CDON: variants seen among roughly 807,000 people sequenced by gnomAD.
CDON encodes the protein cell adhesion molecule-related/down-regulated by oncogenes.
A neutral mutation model predicts 120.9 loss-of-function variants in CDON; 73 were observed. The ratio of observed to expected loss-of-function variants is 0.60; its 90% CI spans 0.50 to 0.73. The LOEUF (loss-of-function observed/expected upper bound fraction) is 0.73. Among genes scored for constraint, CDON ranks in the 30% least tolerant of loss-of-function variants. CDON has a pLI of 0.00. For missense variants in CDON, 1,470 were observed against 1,587.3 expected (o/e 0.93, Z 1.26); for synonymous variants, 566 against 573.5 (o/e 0.99, Z 0.19).
chr11:126,026,654 G>T (rs1454740463), intron 1 of CDON, among the ~76,000 whole-genome samples: 1 of 152,146 alleles, frequency 6.6e-6, no homozygotes, highest in Non-Finnish European at 1.5e-5. Context: ...TGCTTTTCCA[G>T]TTTTTTCTTG....
rs1947264899 is a variant in CDON at position 126,010,481 on chromosome 11, T to A, written c.1412A>T (p.Glu471Val). The change falls in exon 8 of 20, where the codon GAG (glutamate) becomes GTG (valine). Residue 471 changes from glutamate to valine, a missense_variant. Coordinates refer to ENST00000531738, the MANE Select transcript of CDON (RefSeq NM_001378964.1). Reference sequence around the variant, plus strand: ...TTGGGACAGGACGAAGTACACAGGCTCCAGGTTCAAGCCCTCAGGTCTTGA... The same window carrying A: ...TTGGGACAGGACGAAGTACACAGGCACCAGGTTCAAGCCCTCAGGTCTTGA... ...QLSRPEGLNLEPVYFVLSQAG... is the reference protein window; with the variant it reads ...QLSRPEGLNLVPVYFVLSQAG... 1 of 1,614,130 alleles carries A rather than the reference T, an allele frequency of 6.2e-7. No homozygotes were observed. The highest frequency in any genetic ancestry group is 1.3e-5 in the African/African-American group (1 of 75,026).
At chr11:126,033,647 G>A (rs1948011073) in intron 1 of CDON, among the ~76,000 whole-genome samples, 1 of 152,094 alleles carries the variant, frequency 6.6e-6, no homozygotes, top group African/African-American at 2.4e-5. Flanking sequence ...TACAGTGTAG[G>A]GTAATCAGAC....
At chr11:126,057,553 C>T (rs567326132) in intron 1 of CDON, among the ~76,000 whole-genome samples, 2 of 152,294 alleles carry the variant, frequency 1.3e-5, no homozygotes, top group South Asian at 4.1e-4. Flanking sequence ...GGAGGGCTGC[C>T]TGGGATGGGC....
chr11:126,018,197 G>A, intron 5 of CDON, 133 bp downstream of exon 5: 1 of 934,388 alleles, frequency 1.1e-6, no homozygotes, highest in Middle Eastern at 3.2e-4. Flanking sequence ...ACCACACCTA[G>A]CCTGTATTTA....
chr11:126,031,422 T>C lies in CDON; in HGVS notation c.-61-7885A>G, dbSNP rs1214025335. ...TCCAATCAGAAACTAAAGAAAACAC[T>C]CTAAAAAGTGATATTATAGCTTCAG... On this transcript the variant is annotated intron_variant, in intron 1 of 19. Transcript: ENST00000531738. Among the ~76,000 whole-genome samples the C allele has an allele frequency of 3.9e-5, 6 of 152,346 alleles. No homozygotes were observed. The East Asian group carries it at 1.2e-3, about 29-fold the overall frequency.
intron 1 of CDON, among the ~76,000 whole-genome samples, chr11:126,051,656 T>TC (rs1948561612): frequency 7.0e-6 from 1 of 142,436 alleles, no homozygotes; most frequent in South Asian, 2.1e-4. Context: ...TTTTTTCTTT[T>TC]TTTTTTTTTT....
intron 1 of CDON, among the ~76,000 whole-genome samples, chr11:126,050,181 G>A (rs973158006): frequency 1.3e-5 from 2 of 150,892 alleles, no homozygotes; most frequent in African/African-American, 2.4e-5. Context: ...TATCTAGAAT[G>A]CAGAGCTTGT....
intron 1 of CDON, among the ~76,000 whole-genome samples, chr11:126,026,378 G>GT (rs1336007167): frequency 6.6e-6 from 1 of 152,130 alleles, no homozygotes; most frequent in African/African-American, 2.4e-5. Context: ...TACGACTATA[G>GT]AATACAACAA....
intron 1 of CDON, among the ~76,000 whole-genome samples, chr11:126,031,315 T>C (rs897923433): frequency 3.9e-5 from 6 of 152,228 alleles, no homozygotes; most frequent in Non-Finnish European, 5.9e-5. Flanking sequence ...ATGGCTCAGA[T>C]AGCAACTTTT....
At chr11:126,029,863 C>T (rs769615844) in intron 1 of CDON, among the ~76,000 whole-genome samples, 5 of 152,022 alleles carry the variant, frequency 3.3e-5, no homozygotes, top group African/African-American at 4.8e-5. Context: ...ACAGTCTCTC[C>T]GGAAAAAGAT....
intron 16 of CDON, among the ~76,000 whole-genome samples, chr11:125,981,970 C>CTTTT (rs61446837): frequency 0.064 from 3,454 of 54,122 alleles, 1,008 homozygotes; most frequent in East Asian, 0.1. Context: ...ATTCTATTTT[C>CTTTT]TTTTTTTTTT....
chr11:126,007,635 C>T (rs771355039), intron 8 of CDON, among the ~76,000 whole-genome samples: 18 of 152,246 alleles, frequency 1.2e-4, no homozygotes, highest in Middle Eastern at 3.4e-3. Context: ...AGTTTAAATG[C>T]CACATGCCTC....
chr11:126,036,317 C>CA (rs1000824151), intron 1 of CDON, among the ~76,000 whole-genome samples: 3 of 152,166 alleles, frequency 2.0e-5, no homozygotes, highest in East Asian at 3.9e-4. Flanking sequence ...AATCAATTTC[C>CA]AAAAAATCAA....
At chr11:125,971,382 C>CTAAATAAATAAATAAATAAATAAA (rs374833815) in intron 18 of CDON, among the ~76,000 whole-genome samples, 11 of 103,222 alleles carry the variant, frequency 1.1e-4, no homozygotes, top group Non-Finnish European at 2.0e-4. Context: ...GACTCTGTCT[C>CTAAATAAATAAATAAATAAATAAA]TAAATAAATA....
At chr11:125,966,680 T>C (rs1945809906) in intron 18 of CDON, among the ~76,000 whole-genome samples, 1 of 151,762 alleles carries the variant, frequency 6.6e-6, no homozygotes, top group Admixed American at 6.6e-5. Context: ...AATAATTAAA[T>C]GGGTAGAAGC....
At chr11:125,981,963 C>CTTTTTTTTTTTTTTTTTTTTTTT (rs1565501813) in intron 16 of CDON, among the ~76,000 whole-genome samples, 4 of 34,136 alleles carry the variant, frequency 1.2e-4, no homozygotes, top group East Asian at 1.1e-3. Flanking sequence ...AAAAGTGATT[C>CTTTTTTTTTTTTTTTTTTTTTTT]TATTTTCTTT....
intron 11 of CDON, among the ~76,000 whole-genome samples, chr11:125,999,942 T>C (rs974421913): frequency 3.9e-5 from 6 of 152,318 alleles, no homozygotes; most frequent in Admixed American, 6.5e-5. Context: ...TATCAGCCAC[T>C]TGTCGAGATG....
intron 18 of CDON, among the ~76,000 whole-genome samples, chr11:125,969,723 T>C (rs1397297273): frequency 1.3e-5 from 2 of 152,264 alleles, no homozygotes; most frequent in African/African-American, 4.8e-5. Context: ...TGGGACCTGT[T>C]AGTTTACTAA....
At chr11:125,987,814 C>T (rs1011501990) in intron 15 of CDON, among the ~76,000 whole-genome samples, 4 of 152,104 alleles carry the variant, frequency 2.6e-5, no homozygotes, top group Non-Finnish European at 5.9e-5. Context: ...CAAATATATG[C>T]TAAACAAATG....
Sources: allele counts gnomAD v4.1 joint callset (sites outside exome capture counted in the v4.1 genomes callset), GRCh38; gene constraint gnomAD v4.1.1; transcripts MANE v1.5; gene names NCBI Gene and HGNC (gene_info 2026-07-23, HGNC 2026-07-21).